The following NECTIN2 variants were observed in gnomAD, a reference collection of about 807,000 sequenced individuals.
NECTIN2 encodes nectin-2.
Under a neutral mutation model 56.9 loss-of-function variants are expected in NECTIN2, and 23 were observed. The observed-to-expected ratio is 0.40, with a 90% CI of 0.29 to 0.57. The LOEUF (loss-of-function observed/expected upper bound fraction) is 0.57, where lower values mean the gene tolerates loss of function less well. Among genes scored for constraint, NECTIN2 ranks in the 20% least tolerant of loss-of-function variants. The pLI, the probability that NECTIN2 is intolerant of heterozygous loss-of-function variation, is 0.38. For synonymous variants in NECTIN2, 302 were observed against 313.8 expected (o/e 0.96, Z 0.40); for missense variants, 587 against 718.3 (o/e 0.82, Z 2.09).
At chr19:44,886,392 G>C (rs896681411) in intron 8 of NECTIN2, among the ~76,000 whole-genome samples, 173 bp downstream of exon 8, 1 of 152,162 alleles carries the variant, frequency 6.6e-6, no homozygotes, top group Non-Finnish European at 1.5e-5. Context: ...GGAGGTCAGG[G>C]GTGAAAAGGC....
At chr19:44,871,090 T>C (rs1484851014) in intron 2 of NECTIN2, among the ~76,000 whole-genome samples, 2 of 152,168 alleles carry the variant, frequency 1.3e-5, no homozygotes, top group East Asian at 3.8e-4. Flanking sequence ...GGTCTCAAAT[T>C]CCTGGCCTCA....
chr19:44,857,289 C>T (rs1968976050), intron 1 of NECTIN2, among the ~76,000 whole-genome samples: 1 of 139,020 alleles, frequency 7.2e-6, no homozygotes, highest in African/African-American at 2.7e-5. Context: ...GTCTGGAGTG[C>T]AGTGTGTGAT....
intron 2 of NECTIN2, among the ~76,000 whole-genome samples, chr19:44,869,137 AC>A (rs574694518): frequency 5.9e-4 from 89 of 151,850 alleles, no homozygotes; most frequent in African/African-American, 2.1e-3. Context: ...CCCCACCCTC[AC>A]AAACGCCTCT....
Position 44,874,447 on chromosome 19 carries a change from G to A in NECTIN2, c.1011G>A (p.Met337Ile), listed in dbSNP as rs1192110866. 2.5e-6 allele frequency: 4 copies of A among 1,614,022 alleles called. No homozygotes were observed. Among genetic ancestry groups the A allele is most frequent in the South Asian group, 1.1e-5 (1 of 91,076 alleles). Residue 337 changes from methionine to isoleucine, a missense_variant, in exon 5 of 9, where the codon ATG becomes ATA. By Grantham distance (10) the Met-to-Ile change is conservative (BLOSUM62 1). Transcript: ENST00000252483. This position sits in a 1 kb window ranked among gnomAD's most constrained non-coding sequence, Gnocchi z 6.3. The stretch of plus-strand genomic sequence containing the variant: ...GCACAGTCACCAATGCCGTGGGCAT[G>A]GGCCGCGCTGAGCAGGTCATCTTTG... ...FVCTVTNAVG[M>I]GRAEQVIFVR...
chr19:44,878,587 C>G (rs1047438482), intron 5 of NECTIN2: 1 of 1,609,524 alleles, frequency 6.2e-7, no homozygotes, highest in Non-Finnish European at 8.5e-7. Flanking sequence ...AGCTGGACGG[C>G]TCCCTCATCT....
intron 1 of NECTIN2, among the ~76,000 whole-genome samples, chr19:44,856,311 C>T (rs1428432056): frequency 6.6e-6 from 1 of 152,090 alleles, no homozygotes; most frequent in Non-Finnish European, 1.5e-5. Context: ...AAATAAAATC[C>T]TAAGACCTAT....
At chr19:44,881,503 C>A (rs972748043) in intron 5 of NECTIN2, among the ~76,000 whole-genome samples, 1 of 149,940 alleles carries the variant, frequency 6.7e-6, no homozygotes, top group Admixed American at 6.7e-5. Context: ...ATGGCAAAAC[C>A]CCATCTCTAC....
Position 44,888,009 on chromosome 19 carries a change from A to G in NECTIN2, c.1348-101A>G, listed in dbSNP as rs935441232. ...AGGAGTGAGGTGGCATCTTGTTGGC[A>G]TGGGGAGAGAGCGGTCAGGATTTTG... On this transcript the variant is annotated intron_variant, in intron 8 of 8. Transcript: ENST00000252483. The G allele has an allele frequency of 1.3e-5, 17 of 1,297,200 alleles. No individual in the cohort carries two copies. The Admixed American group carries it at 2.7e-4, about 20-fold the overall frequency. 80.4% of individuals were successfully genotyped at this position (1,297,200 alleles called of 1,614,324 possible).
In NECTIN2 at chr19:44,846,469, C is replaced by T; in HGVS notation, c.-57C>T. On this transcript the variant is annotated 5_prime_UTR_variant, in exon 1 of 9. Coordinates refer to ENST00000252483, the MANE Select transcript of NECTIN2 (RefSeq NM_001042724.2). Reference sequence around the variant, plus strand: ...CCTACTAAACCGCCCAGCCGATCGGCCCCCACAGAGTGGCCCGCGGGCCTC... The same window carrying T: ...CCTACTAAACCGCCCAGCCGATCGGTCCCCACAGAGTGGCCCGCGGGCCTC... The T allele has an allele frequency of 2.1e-6, 3 of 1,410,320 alleles. No individual in the cohort carries two copies. The highest frequency in any genetic ancestry group is 3.1e-5 in the South Asian group (2 of 65,556). The allele number at this position is 1,410,320 out of a possible 1,614,324, so 87.4% of individuals were successfully genotyped here. A position where few individuals can be genotyped will look rare whatever the true frequency, so the allele number is the denominator to read the frequency against.
intron 8 of NECTIN2, among the ~76,000 whole-genome samples, chr19:44,887,668 A>G (rs1969376230): frequency 1.3e-5 from 2 of 152,104 alleles, no homozygotes. Context: ...AAACAGAATG[A>G]AAGAAAATTG....
chr19:44,852,526 C>CAAA (rs58168769), intron 1 of NECTIN2, among the ~76,000 whole-genome samples: 2 of 124,144 alleles, frequency 1.6e-5, no homozygotes, highest in Admixed American at 8.2e-5. Flanking sequence ...GACTCCGTCT[C>CAAA]AAAAAAAAAA....
chr19:44,862,882 G>A (rs1424205537), intron 1 of NECTIN2, among the ~76,000 whole-genome samples: 1 of 151,878 alleles, frequency 6.6e-6, no homozygotes, highest in African/African-American at 2.4e-5. Flanking sequence ...GGGCGCGGTG[G>A]CTCACGCCTG....
At chr19:44,868,351 C>CA (rs569384558) in intron 2 of NECTIN2, among the ~76,000 whole-genome samples, 2,326 of 80,470 alleles carry the variant, frequency 0.029, 73 homozygotes, top group African/African-American at 0.087. Flanking sequence ...GACCCTGTCT[C>CA]AAAAAAAAAA....
intron 1 of NECTIN2, 132 bp downstream of exon 1, chr19:44,846,745 C>A: frequency 1.9e-6 from 2 of 1,072,600 alleles, no homozygotes; most frequent in Non-Finnish European, 2.6e-6. Flanking sequence ...CCCTTCCTGG[C>A]TGGCCCCACA....
rs1290473924 is a variant in NECTIN2 at position 44,862,557 on chromosome 19, CACGGA to C, written c.89-2713_89-2709del. 2.0e-5 allele frequency among the ~76,000 whole-genome samples: 3 copies of C among 151,696 alleles called. No homozygotes were observed. The East Asian group carries it at 5.8e-4, about 29-fold the overall frequency. On this transcript the variant is annotated intron_variant, in intron 1 of 8. Transcript: ENST00000252483. Reference sequence around the variant, plus strand: ...GATGGGATCATGTCTTTTGCACCAACACGGATGGAACTGGAGGCCATTATCCTGAG... The same window carrying C: ...GATGGGATCATGTCTTTTGCACCAACTGGAACTGGAGGCCATTATCCTGAG...
At chr19:44,878,585 G>A (rs1454773743) in intron 5 of NECTIN2, 9 of 1,610,640 alleles carry the variant, frequency 5.6e-6, no homozygotes, top group East Asian at 2.2e-5. Flanking sequence ...CCAGCTGGAC[G>A]GCTCCCTCAT....
At position 44,886,182 on chromosome 19, in the gene NECTIN2, C is replaced by A. The variant is rs967468282; in HGVS notation, c.1310C>A (p.Thr437Asn). The change falls in exon 8 of 9, where the codon ACC becomes AAC. Residue 437 changes from threonine to asparagine, a missense_variant. By Grantham distance (65) the Thr-to-Asn change is moderately conservative. Coordinates refer to ENST00000252483, the MANE Select transcript of NECTIN2 (RefSeq NM_001042724.2). ...LGASEHSPLK[T>N]PYFDAGASCT... is the part of the protein sequence containing the mutation. ...GCCTCGGAGCACAGCCCACTCAAGA[C>A]CCCCTACTTTGATGCTGGCGCCTCA... is the stretch of plus-strand genomic sequence containing the variant. 1 of 1,612,726 alleles carries A rather than the reference C, an allele frequency of 6.2e-7. No homozygotes were observed. The highest frequency in any genetic ancestry group is 1.7e-5 in the Admixed American group (1 of 60,004).
chr19:44,880,110 G>A (rs1028446789), intron 5 of NECTIN2, among the ~76,000 whole-genome samples: 5 of 152,214 alleles, frequency 3.3e-5, no homozygotes, highest in East Asian at 1.9e-4. Context: ...GAGTGAGGCC[G>A]ATGCATGCGT....
chr19:44,882,972 A>G lies in NECTIN2; in HGVS notation c.1196+608A>G, dbSNP rs186800437. Among the ~76,000 whole-genome samples, 650 of 151,936 alleles carry G rather than the reference A, an allele frequency of 4.3e-3. 5 individuals are homozygous for G. Among genetic ancestry groups the G allele is most frequent in the African/African-American group, 0.015 (610 of 41,390 alleles). Reference sequence around the variant, plus strand: ...AATTTTTTGGATTTTTAGTAGAGACAGGGTTTCACTGTGTTAGCCAGGATG... The same window carrying G: ...AATTTTTTGGATTTTTAGTAGAGACGGGGTTTCACTGTGTTAGCCAGGATG... On this transcript the variant is annotated intron_variant, in intron 6 of 8. Transcript: ENST00000252483.
Sources: allele counts gnomAD v4.1 joint callset (sites outside exome capture counted in the v4.1 genomes callset), GRCh38; gene constraint gnomAD v4.1.1; non-coding constraint Gnocchi (gnomAD v3.1); transcripts MANE v1.5; gene names NCBI Gene and HGNC (gene_info 2026-07-23, HGNC 2026-07-21).